The following KCNN2 variants were observed in gnomAD, a reference collection of about 807,000 sequenced individuals.
KCNN2 encodes potassium calcium-activated channel subfamily N member 2.
In KCNN2, 24 loss-of-function variants were observed where a neutral mutation model predicts 55.5. That is an observed-to-expected ratio of 0.43 (90% CI 0.31 to 0.61). The LOEUF (loss-of-function observed/expected upper bound fraction) is 0.61. Among genes scored for constraint, KCNN2 ranks in the 20% least tolerant of loss-of-function variants. The pLI, the probability that KCNN2 is intolerant of heterozygous loss-of-function variation, is 0.08. For missense variants in KCNN2, 754 were observed against 853.6 expected, an observed-to-expected ratio of 0.88 and a Z score of 1.45; for synonymous variants, 431 against 336.1, an observed-to-expected ratio of 1.28 and a Z score of -3.09.
At chr5:114,367,837 G>C (rs1393242832) in intron 2 of KCNN2, among the ~76,000 whole-genome samples, 1 of 152,192 alleles carries the variant, frequency 6.6e-6, no homozygotes, top group African/African-American at 2.4e-5. Flanking sequence ...AGATGAAAGA[G>C]TTGTTTAGTA....
chr5:114,194,427 A>G (rs1242843224), intron 1 of KCNN2, among the ~76,000 whole-genome samples: 1 of 151,874 alleles, frequency 6.6e-6, no homozygotes, highest in Admixed American at 6.6e-5. Flanking sequence ...TGAAATTTTG[A>G]TTTGCATTTC....
intron 1 of KCNN2, among the ~76,000 whole-genome samples, chr5:114,105,957 A>G (rs1452087507): frequency 6.6e-6 from 1 of 151,836 alleles, no homozygotes; most frequent in African/African-American, 2.4e-5. Context: ...CAGTTTTCTA[A>G]TTTGTTATAG....
At chr5:114,470,002 T>C (rs1445427671) in intron 4 of KCNN2, among the ~76,000 whole-genome samples, 5 of 152,176 alleles carry the variant, frequency 3.3e-5, no homozygotes, top group Non-Finnish European at 1.5e-5. Context: ...GTGAGGTATA[T>C]AGATAATAGT....
At chr5:114,217,743 T>C (rs368290096) in intron 1 of KCNN2, among the ~76,000 whole-genome samples, 11 of 152,008 alleles carry the variant, frequency 7.2e-5, no homozygotes, top group Non-Finnish European at 1.5e-4. Flanking sequence ...AAAGAAAGAA[T>C]TGATAAGCTG....
intron 2 of KCNN2, among the ~76,000 whole-genome samples, chr5:114,340,238 G>A (rs1013838964): frequency 1.3e-5 from 2 of 152,134 alleles, no homozygotes; most frequent in Non-Finnish European, 1.5e-5. Flanking sequence ...GGTCACTTGC[G>A]TAAACATGAA....
intron 2 of KCNN2, among the ~76,000 whole-genome samples, chr5:114,339,844 A>T (rs1177379505): frequency 6.6e-6 from 1 of 151,854 alleles, no homozygotes; most frequent in Non-Finnish European, 1.5e-5. Context: ...TAAATAAATA[A>T]ATAAAAATGC....
intron 2 of KCNN2, among the ~76,000 whole-genome samples, chr5:114,344,252 A>G (rs1230900570): frequency 6.6e-6 from 1 of 152,202 alleles, no homozygotes; most frequent in Non-Finnish European, 1.5e-5. Context: ...TCTGACATCA[A>G]CTGCAAATAT....
At chr5:114,344,062 C>T (rs958213392) in intron 2 of KCNN2, among the ~76,000 whole-genome samples, 4 of 152,188 alleles carry the variant, frequency 2.6e-5, no homozygotes, top group African/African-American at 9.7e-5. Context: ...TCTTGGTTAA[C>T]CCAGAGATCT....
At chr5:114,299,633 A>C (rs1756110306) in intron 2 of KCNN2, among the ~76,000 whole-genome samples, 1 of 152,164 alleles carries the variant, frequency 6.6e-6, no homozygotes, top group South Asian at 2.1e-4. Context: ...CCATACAGAC[A>C]CAGCCTATCC....
At chr5:114,303,778 G>T (rs1467555235) in intron 2 of KCNN2, among the ~76,000 whole-genome samples, 1 of 152,122 alleles carries the variant, frequency 6.6e-6, no homozygotes, top group Non-Finnish European at 1.5e-5. Context: ...GGGATTGATA[G>T]GTGGTAGGGC....
At chr5:114,202,604 C>G (rs746590046) in intron 1 of KCNN2, among the ~76,000 whole-genome samples, 1 of 48,392 alleles carries the variant, frequency 2.1e-5, no homozygotes, top group Admixed American at 2.5e-4. Flanking sequence ...TTTTTTTTCC[C>G]GAGACAGAGT....
intron 1 of KCNN2, among the ~76,000 whole-genome samples, chr5:114,109,250 G>T (rs1272366211): frequency 6.6e-6 from 1 of 152,074 alleles, no homozygotes; most frequent in Non-Finnish European, 1.5e-5. Context: ...TTGCCATGTA[G>T]CTTTCTCTAT....
At chr5:114,312,436 T>C (rs3101079) in intron 2 of KCNN2, among the ~76,000 whole-genome samples, 279 of 19,278 alleles carry the variant, frequency 0.014, no homozygotes, top group Middle Eastern at 0.029. Flanking sequence ...CACACACACA[T>C]ATATATATAT....
intron 2 of KCNN2, among the ~76,000 whole-genome samples, chr5:114,230,090 G>A (rs1018276010): frequency 7.9e-5 from 12 of 152,044 alleles, no homozygotes; most frequent in Non-Finnish European, 5.9e-5. Context: ...CTAAGAGATT[G>A]TATTATTTCT....
intron 2 of KCNN2, among the ~76,000 whole-genome samples, chr5:114,388,008 A>G (rs337690): frequency 0.02 from 3,078 of 152,278 alleles, 117 homozygotes; most frequent in African/African-American, 0.069. Flanking sequence ...CTTCCGTTCC[A>G]TGCTCTTATG....
upstream of KCNN2, among the ~76,000 whole-genome samples, chr5:114,361,569 G>A (rs1757422644): frequency 6.6e-6 from 1 of 152,174 alleles, no homozygotes; most frequent in African/African-American, 2.4e-5. Context: ...GGCGTGGGAC[G>A]AGGGGGCTGC....
intron 3 of KCNN2, among the ~76,000 whole-genome samples, chr5:114,451,656 G>A (rs911683296): frequency 6.6e-6 from 1 of 152,208 alleles, no homozygotes; most frequent in Non-Finnish European, 1.5e-5. Context: ...CAGCACTTTG[G>A]GAGGCCAAGG....
intron 2 of KCNN2, among the ~76,000 whole-genome samples, chr5:114,333,346 G>A (rs1756861446): frequency 6.6e-6 from 1 of 152,130 alleles, no homozygotes; most frequent in South Asian, 2.1e-4. Flanking sequence ...TCTGACTTAT[G>A]TTCTGCATTT....
At chr5:114,422,254 G>A (rs1354383841) in intron 3 of KCNN2, among the ~76,000 whole-genome samples, 1 of 152,144 alleles carries the variant, frequency 6.6e-6, no homozygotes, top group East Asian at 1.9e-4. Context: ...CTAATTTCCA[G>A]TGTGATAATA....
Sources: allele counts gnomAD v4.1 joint callset (sites outside exome capture counted in the v4.1 genomes callset), GRCh38; gene constraint gnomAD v4.1.1; transcripts MANE v1.5; gene names NCBI Gene and HGNC (gene_info 2026-07-23, HGNC 2026-07-21).